ROBO1: variants seen among roughly 807,000 people sequenced by gnomAD.
The protein encoded by ROBO1 is roundabout guidance receptor 1.
Under a neutral mutation model 195.9 loss-of-function variants are expected in ROBO1, and 149 were observed. The ratio of observed to expected loss-of-function variants is 0.76; its 90% CI spans 0.67 to 0.87. The LOEUF is 0.87. Among genes scored for constraint, ROBO1 ranks in the 40% least tolerant of loss-of-function variants. The probability of loss-of-function intolerance (pLI) is 0.00; values close to 1 mark genes in which losing one functional copy is unlikely to be tolerated. For synonymous variants in ROBO1, 816 were observed against 733.2 expected, an observed-to-expected ratio of 1.11 and a Z score of -1.82; for missense variants, 1,933 against 2,068.3, an observed-to-expected ratio of 0.93 and a Z score of 1.27.
intron 2 of ROBO1, among the ~76,000 whole-genome samples, chr3:79,435,977 TTGTGAGAATCAGAGTCACTCA>T (rs2038871849): frequency 6.6e-6 from 1 of 152,160 alleles, no homozygotes; most frequent in Non-Finnish European, 1.5e-5. Context: ...GAAGAAACTA[TTGTGAGAATCAGAGTCACTCA>T]TGAGGAATTT....
intron 18 of ROBO1, among the ~76,000 whole-genome samples, chr3:78,655,998 G>A (rs954329759): frequency 1.3e-5 from 2 of 152,012 alleles, no homozygotes; most frequent in African/African-American, 2.4e-5. Flanking sequence ...AGTTACAATG[G>A]TATTTTGTCA....
At chr3:79,100,617 G>T (rs1421656512) in intron 3 of ROBO1, among the ~76,000 whole-genome samples, 2 of 151,734 alleles carry the variant, frequency 1.3e-5, no homozygotes, top group Non-Finnish European at 1.5e-5. Context: ...CTGACTTTGG[G>T]TCAGAACGCT....
At chr3:78,712,726 C>G (rs2081794937) in intron 8 of ROBO1, among the ~76,000 whole-genome samples, 1 of 152,112 alleles carries the variant, frequency 6.6e-6, no homozygotes, top group Admixed American at 6.6e-5. Flanking sequence ...CCTTTGAAAT[C>G]CAGGCTTAGA....
intron 3 of ROBO1, among the ~76,000 whole-genome samples, chr3:79,119,876 T>G (rs1162699209): frequency 6.6e-6 from 1 of 152,056 alleles, no homozygotes; most frequent in Non-Finnish European, 1.5e-5. Flanking sequence ...GTTCCAGTGA[T>G]TCTCCTGCCT....
chr3:79,588,758 T>C (rs970402737), intron 2 of ROBO1, among the ~76,000 whole-genome samples: 3 of 151,776 alleles, frequency 2.0e-5, no homozygotes, highest in Non-Finnish European at 4.4e-5. Context: ...CCTAATTTGA[T>C]ACAAATCATT....
chr3:78,978,864 A>G (rs1243544789), intron 3 of ROBO1, among the ~76,000 whole-genome samples: 2 of 152,346 alleles, frequency 1.3e-5, no homozygotes, highest in East Asian at 1.9e-4. Flanking sequence ...GAGGTCAGAT[A>G]CAGCTAGAAA....
chr3:79,689,694 C>A (rs1168900479), intron 1 of ROBO1, among the ~76,000 whole-genome samples: 1 of 151,930 alleles, frequency 6.6e-6, no homozygotes, highest in East Asian at 1.9e-4. Flanking sequence ...ATCTATAATT[C>A]TATTTAATTT....
At chr3:78,623,386 G>T in intron 26 of ROBO1, among the ~76,000 whole-genome samples, 1 of 152,164 alleles carries the variant, frequency 6.6e-6, no homozygotes, top group East Asian at 1.9e-4. Flanking sequence ...ATTGAGGTGA[G>T]TGAGAATTGT....
rs145301655 is a variant in ROBO1, at chr3:79,487,493, G to T, written c.88+102331C>A. ...GACTCCCAAAATGCTGGGATTACAG[G>T]CAGGAACCACTGCGCCGAGCCAACT... On this transcript the variant is annotated intron_variant, in intron 2 of 30. Coordinates refer to ENST00000464233, the MANE Select transcript of ROBO1 (RefSeq NM_002941.4). Among the ~76,000 whole-genome samples, 408 of 152,298 alleles carry T rather than the reference G, an allele frequency of 2.7e-3. 2 individuals are homozygous for T. The highest frequency in any genetic ancestry group is 9.5e-3 in the African/African-American group (393 of 41,566).
rs183323034 is a variant in ROBO1, at chr3:79,149,134, C to A, written c.89-23595G>T. 2.0e-5 allele frequency among the ~76,000 whole-genome samples: 3 copies of A among 151,976 alleles called. No individual in the cohort carries two copies. The East Asian group carries it at 5.8e-4, about 30-fold the overall frequency. Reference sequence around the variant, plus strand: ...TAAATATTATAAATCAGGGCCTTTGCCCCAGAGAACCAGTTGTTAACTACT... The same window carrying A: ...TAAATATTATAAATCAGGGCCTTTGACCCAGAGAACCAGTTGTTAACTACT... On this transcript the variant is annotated intron_variant, in intron 2 of 30. Transcript: ENST00000464233.
chr3:79,741,273 T>C (rs932031438), intron 1 of ROBO1, among the ~76,000 whole-genome samples: 4 of 152,198 alleles, frequency 2.6e-5, no homozygotes, highest in African/African-American at 9.6e-5. Flanking sequence ...ATTATATCCA[T>C]TCCCTTATGC....
At chr3:79,253,726 T>C (rs1468182824) in intron 2 of ROBO1, among the ~76,000 whole-genome samples, 2 of 152,180 alleles carry the variant, frequency 1.3e-5, no homozygotes, top group African/African-American at 4.8e-5. Context: ...TGCAAAAATC[T>C]TAATAAAGAA....
At chr3:78,655,846 T>C (rs1706972101) in intron 18 of ROBO1, among the ~76,000 whole-genome samples, 1 of 152,240 alleles carries the variant, frequency 6.6e-6, no homozygotes, top group African/African-American at 2.4e-5. Flanking sequence ...TAACATATAC[T>C]AATATTTCGC....
chr3:79,006,627 A>C (rs1419680090), intron 3 of ROBO1, among the ~76,000 whole-genome samples: 1 of 152,074 alleles, frequency 6.6e-6, no homozygotes, highest in Non-Finnish European at 1.5e-5. Context: ...ATCTGAAAGT[A>C]TGTCTACATT....
intron 2 of ROBO1, among the ~76,000 whole-genome samples, chr3:79,135,434 A>C (rs1445046500): frequency 6.6e-6 from 1 of 152,166 alleles, no homozygotes; most frequent in Non-Finnish European, 1.5e-5. Context: ...TTCTGAAAAA[A>C]AAATTGTTGA....
chr3:78,915,789 C>T (rs767910467), intron 4 of ROBO1, among the ~76,000 whole-genome samples: 294 of 152,106 alleles, frequency 1.9e-3, no homozygotes, highest in Middle Eastern at 6.8e-3. Context: ...ACCCGAGTAG[C>T]TAGGACTAGG....
At chr3:79,313,048 G>A (rs548548781) in intron 2 of ROBO1, among the ~76,000 whole-genome samples, 4 of 151,686 alleles carry the variant, frequency 2.6e-5, no homozygotes, top group Non-Finnish European at 4.4e-5. Context: ...TTAGCAGGGG[G>A]CGGTGGTGGG....
chr3:79,739,323 T>C (rs1703524317), intron 1 of ROBO1, among the ~76,000 whole-genome samples: 1 of 151,892 alleles, frequency 6.6e-6, no homozygotes, highest in East Asian at 1.9e-4. Context: ...ATCTGGAAAA[T>C]GTTTAAAGAT....
At chr3:79,593,519 T>A (rs954337466) in intron 1 of ROBO1, among the ~76,000 whole-genome samples, 2 of 152,044 alleles carry the variant, frequency 1.3e-5, no homozygotes, top group Non-Finnish European at 1.5e-5. Flanking sequence ...ATGTGAAACA[T>A]CTTTACTGGC....
Sources: allele counts gnomAD v4.1 joint callset (sites outside exome capture counted in the v4.1 genomes callset), GRCh38; gene constraint gnomAD v4.1.1; transcripts MANE v1.5; gene names NCBI Gene and HGNC (gene_info 2026-07-23, HGNC 2026-07-21).